PCLO: variants seen among roughly 807,000 people sequenced by gnomAD.
The protein encoded by PCLO is piccolo presynaptic cytomatrix protein, also known as protein piccolo.
A neutral mutation model predicts 427.5 loss-of-function variants in PCLO; 82 were observed. That is an observed-to-expected ratio of 0.19 (90% CI 0.16 to 0.23). The LOEUF is 0.23. Ranked by LOEUF, PCLO falls within the 10% of genes least tolerant of loss-of-function variation. The pLI, the probability that PCLO is intolerant of heterozygous loss-of-function variation, is 1.00. For synonymous variants in PCLO, 2,357 were observed against 2,155.4 expected (o/e 1.09, Z -2.59); for missense variants, 6,239 against 6,115.9 (o/e 1.02, Z -0.67).
chr7:83,105,114 T>C (rs1790822697), intron 3 of PCLO, among the ~76,000 whole-genome samples: 1 of 152,168 alleles, frequency 6.6e-6, no homozygotes, highest in South Asian at 2.1e-4. Context: ...ATATAGGACA[T>C]GTTCTACAGT....
chr7:83,063,487 T>C (rs7793706), intron 3 of PCLO, among the ~76,000 whole-genome samples: 26,891 of 152,080 alleles, frequency 0.18, 3,089 homozygotes, highest in African/African-American at 0.32. Flanking sequence ...CAATATTCAA[T>C]AAATTACATG....
At chr7:83,102,983 A>ATGGTATGT (rs1297712509) in intron 3 of PCLO, among the ~76,000 whole-genome samples, 34 of 152,154 alleles carry the variant, frequency 2.2e-4, no homozygotes, top group African/African-American at 7.0e-4. Flanking sequence ...TATACCAAAA[A>ATGGTATGT]TGGTATGTTT....
At chr7:82,888,968 C>A (rs1248402556) in intron 9 of PCLO, among the ~76,000 whole-genome samples, 1 of 150,764 alleles carries the variant, frequency 6.6e-6, no homozygotes, top group Non-Finnish European at 1.5e-5. Flanking sequence ...CCACCCCCGC[C>A]AACTCTGCTC....
intron 3 of PCLO, among the ~76,000 whole-genome samples, chr7:83,075,923 CAA>C (rs1272182003): frequency 6.6e-6 from 1 of 151,910 alleles, no homozygotes; most frequent in African/African-American, 2.4e-5. Context: ...TGTGTGTAAG[CAA>C]AGAGTGTTAA....
intron 3 of PCLO, among the ~76,000 whole-genome samples, chr7:83,000,857 T>C (rs1054647108): frequency 1.3e-5 from 2 of 152,078 alleles, no homozygotes; most frequent in Admixed American, 6.6e-5. Flanking sequence ...TCTTAATTAA[T>C]TTAACTGATA....
intron 6 of PCLO, among the ~76,000 whole-genome samples, chr7:82,941,702 GAA>G (rs1220318989): frequency 6.6e-6 from 1 of 152,074 alleles, no homozygotes; most frequent in African/African-American, 2.4e-5. Context: ...TAAATGTTAA[GAA>G]AGTGTCAAAC....
chr7:83,161,314 G>A (rs1792430839), intron 1 of PCLO, among the ~76,000 whole-genome samples: 1 of 152,082 alleles, frequency 6.6e-6, no homozygotes, highest in African/African-American at 2.4e-5. Flanking sequence ...TATCTCAAAT[G>A]AAAAATTGTA....
chr7:82,950,375 T>C lies in PCLO; in HGVS notation c.10213A>G (p.Lys3405Glu). 6.2e-7 allele frequency: 1 copy of C among 1,613,770 alleles called. No individual in the cohort carries two copies. Among genetic ancestry groups the C allele is most frequent in the Middle Eastern group, 1.6e-4 (1 of 6,062 alleles). ...SEIPLTDVVVKEEKQPKKRSS... is the reference protein window; with the variant it reads ...SEIPLTDVVVEEEKQPKKRSS... ...CTCTTTTTGGGTTGTTTTTCCTCTT[T>C]CACAACAACATCTGTTAGAGGTATT... The change falls in exon 6 of 25, where the codon AAA becomes GAA. Residue 3405 changes from lysine (K) to glutamate (E), a missense_variant. By Grantham distance (56) the Lys-to-Glu change is moderately conservative (BLOSUM62 1). Coordinates refer to ENST00000333891, the MANE Select transcript of PCLO (RefSeq NM_033026.6).
At chr7:82,791,299 T>G (rs937532240) in intron 22 of PCLO, among the ~76,000 whole-genome samples, 1 of 152,176 alleles carries the variant, frequency 6.6e-6, no homozygotes, top group East Asian at 1.9e-4. Flanking sequence ...ATAATATGTG[T>G]AAGATAAAGC....
At chr7:82,787,272 A>T (rs143032485) in intron 22 of PCLO, among the ~76,000 whole-genome samples, 1,548 of 151,858 alleles carry the variant, frequency 0.01, 18 homozygotes, top group African/African-American at 0.035. Context: ...TTTTAATGAT[A>T]GCCATTCTAA....
At chr7:83,141,999 T>C (rs918024565) in intron 2 of PCLO, among the ~76,000 whole-genome samples, 1 of 152,110 alleles carries the variant, frequency 6.6e-6, no homozygotes, top group Non-Finnish European at 1.5e-5. Flanking sequence ...TTATTATTAA[T>C]TTATTAAGAT....
At chr7:83,110,994 T>C (rs1227792762) in intron 3 of PCLO, among the ~76,000 whole-genome samples, 2 of 152,208 alleles carry the variant, frequency 1.3e-5, no homozygotes, top group African/African-American at 4.8e-5. Context: ...TATTTTAGTG[T>C]GGAAGACCTT....
Position 83,155,254 on chromosome 7 carries a change from G to T in PCLO, c.1387C>A (p.Gln463Lys). The T allele has an allele frequency of 6.2e-7, 1 of 1,613,944 alleles. No homozygotes were observed. The highest frequency in any genetic ancestry group is 8.5e-7 in the Non-Finnish European group (1 of 1,179,896). The change falls in exon 2 of 25, where the codon CAG (glutamine) becomes AAG (lysine). Residue 463 changes from glutamine (Q) to lysine (K), a missense_variant. This residue lies in a region of PCLO where 4,677 missense variants were observed against 4,468.4 expected (regional missense o/e 1.05). Transcript: ENST00000333891. ...GAAGGAGGCTTTGTTGGGCCAGTCT[G>T]CTGGGCAGAAGTCTTTCCGGGTCCT... Reference protein sequence around the residue: ...QAGPGKTSAQQTGPTKPPSQL... With the variant: ...QAGPGKTSAQKTGPTKPPSQL...
chr7:82,975,230 C>T (rs954484728), intron 3 of PCLO, among the ~76,000 whole-genome samples: 1 of 152,068 alleles, frequency 6.6e-6, no homozygotes, highest in African/African-American at 2.4e-5. Context: ...TTTAAAAGAT[C>T]TAAAGCACTT....
Position 82,897,257 on chromosome 7 carries a change from G to A in PCLO, c.13528+5394C>T, listed in dbSNP as rs1429876016. ...ACACAGAGATTTATAATTCCAAAAC[G>A]TATTACCTATTCTTTCCACTCTGTT... On this transcript the variant is annotated intron_variant, in intron 9 of 24. Coordinates refer to ENST00000333891, the MANE Select transcript of PCLO (RefSeq NM_033026.6). Among the ~76,000 whole-genome samples, 7 of 151,576 alleles carry A rather than the reference G, an allele frequency of 4.6e-5. No individual in the cohort carries two copies. The East Asian group carries it at 9.7e-4, about 21-fold the overall frequency.
intron 3 of PCLO, among the ~76,000 whole-genome samples, chr7:82,981,699 C>T (rs1796150035): frequency 2.0e-5 from 3 of 151,998 alleles, no homozygotes; most frequent in South Asian, 2.1e-4. Context: ...TAGGTATGTG[C>T]CTATACTTAA....
At position 82,954,621 on chromosome 7, in the gene PCLO, A is replaced by G. The variant is rs1332739093; in HGVS notation, c.6332T>C (p.Leu2111Pro). The change falls in exon 5 of 25, where the codon CTC becomes CCC. Residue 2111 changes from leucine (L) to proline (P), a missense_variant. Around this residue, in one of 5 missense-constraint regions of PCLO, gnomAD observed 4,677 missense variants for 4,468.4 expected, o/e 1.05. Coordinates refer to ENST00000333891, the MANE Select transcript of PCLO (RefSeq NM_033026.6). ...MPDASLTSSV[L>P]SGASLTDSTS... ...CGAATCTGTAAGAGACGCTCCTGAG[A>G]GAACACTTGATGTCAAAGAGGCATC... 1 of 1,613,826 alleles carries G rather than the reference A, an allele frequency of 6.2e-7. No homozygotes were observed. Among genetic ancestry groups the G allele is most frequent in the Non-Finnish European group, 8.5e-7 (1 of 1,179,876 alleles).
intron 3 of PCLO, among the ~76,000 whole-genome samples, chr7:82,969,299 A>T (rs1170581027): frequency 6.6e-6 from 1 of 152,124 alleles, no homozygotes; most frequent in South Asian, 2.1e-4. Context: ...ATGCTTGGTA[A>T]ACCTATAAAG....
chr7:83,086,761 G>T (rs2116420265), intron 3 of PCLO, among the ~76,000 whole-genome samples: 1 of 152,132 alleles, frequency 6.6e-6, no homozygotes, highest in East Asian at 1.9e-4. Flanking sequence ...ACATGTTCAA[G>T]ATTACTCATC....
Sources: gnomAD v4.1 joint callset for allele counts (sites outside exome capture counted in the v4.1 genomes callset) on GRCh38, gnomAD v4.1.1 for gene constraint, gnomAD v4.1.1 regional missense constraint, MANE v1.5 for transcripts, NCBI Gene and HGNC (gene_info 2026-07-23, HGNC 2026-07-21) for gene names.